Variants in EP300 observed in about 807,000 individuals in gnomAD.
EP300 encodes histone acetyltransferase p300.
Under a neutral mutation model 264.0 loss-of-function variants are expected in EP300, and 31 were observed. The ratio of observed to expected loss-of-function variants is 0.12; its 90% CI spans 0.09 to 0.16. The LOEUF is 0.16. Ranked by LOEUF, EP300 falls within the 10% of genes least tolerant of loss-of-function variation. The pLI is 1.00. For synonymous variants in EP300, 1,340 were observed against 1,045.4 expected, an observed-to-expected ratio of 1.28 and a Z score of -5.44; for missense variants, 2,766 against 3,052.9, an observed-to-expected ratio of 0.91 and a Z score of 2.21.
chr22:41,119,447 G>C (rs2058840380), intron 2 of EP300, among the ~76,000 whole-genome samples: 1 of 152,012 alleles, frequency 6.6e-6, no homozygotes, highest in Non-Finnish European at 1.5e-5. Flanking sequence ...AAGAGAGAAA[G>C]TCCTTGCCAC....
chr22:41,125,419 T>C, intron 2 of EP300, among the ~76,000 whole-genome samples: 1 of 149,652 alleles, frequency 6.7e-6, no homozygotes. Flanking sequence ...CGCCCGGCTG[T>C]TTTTTGGGGT....
chr22:41,141,627 C>G (rs2058982906), intron 10 of EP300, among the ~76,000 whole-genome samples: 1 of 151,632 alleles, frequency 6.6e-6, no homozygotes, highest in South Asian at 2.1e-4. Flanking sequence ...CACTGTCACA[C>G]TTTCTACTTG....
chr22:41,154,986 T>C lies in EP300; in HGVS notation c.3143-9T>C, dbSNP rs199773872. On this transcript the variant is annotated splice_polypyrimidine_tract_variant and intron_variant, in intron 16 of 30. Transcript: ENST00000263253. ...GTAACTAATTTCAAATGCACTTTTT[T>C]TTTTTAAGTTTTCAAACCAGAAGAA... is the stretch of plus-strand genomic sequence containing the variant. The C allele has an allele frequency of 1.5e-4, 235 of 1,586,700 alleles. No individual in the cohort carries two copies. In the African/African-American group the frequency reaches 3.0e-3, roughly 20 times the overall value.
At chr22:41,168,065 G>A (rs993260664) in intron 23 of EP300, among the ~76,000 whole-genome samples, 15 of 149,312 alleles carry the variant, frequency 1.0e-4, no homozygotes, top group African/African-American at 1.5e-4. Context: ...CAGGTGATGC[G>A]CCCACCTCAG....
rs142093342 is a variant in EP300, at chr22:41,124,734, CAT to C, written c.730-1129_730-1128del. Among the ~76,000 whole-genome samples the C allele has an allele frequency of 2.1e-3, 316 of 152,250 alleles. 1 individual carries two copies. The highest frequency in any genetic ancestry group is 7.3e-3 in the African/African-American group (302 of 41,548). On this transcript the variant is annotated intron_variant, in intron 2 of 30. Coordinates refer to ENST00000263253, the MANE Select transcript of EP300 (RefSeq NM_001429.4). ...TTAAGTTGAATTCGCCATGTAGCATCATGTGTGACGTAATGGAAATGAATGGC... is the reference window on the plus strand; with the variant it reads ...TTAAGTTGAATTCGCCATGTAGCATCGTGTGACGTAATGGAAATGAATGGC...
chr22:41,152,099 G>T (rs2059049481), intron 15 of EP300, 87 bp downstream of exon 15: 2 of 1,586,642 alleles, frequency 1.3e-6, no homozygotes, highest in African/African-American at 1.3e-5. Context: ...AAAATATTTT[G>T]ATAATTAGAT....
intron 4 of EP300, among the ~76,000 whole-genome samples, chr22:41,128,750 G>A (rs553650885): frequency 6.5e-4 from 99 of 152,034 alleles, no homozygotes; most frequent in African/African-American, 2.3e-3. Flanking sequence ...TGACCTTGTG[G>A]TCCACCCGCC....
chr22:41,103,266 C>T (rs1056250746), intron 1 of EP300, among the ~76,000 whole-genome samples: 1 of 152,138 alleles, frequency 6.6e-6, no homozygotes, highest in Non-Finnish European at 1.5e-5. Flanking sequence ...GGTGGTTCTT[C>T]TGAGTTGAGC....
intron 1 of EP300, among the ~76,000 whole-genome samples, chr22:41,114,139 G>T (rs1014197398): frequency 5.9e-5 from 9 of 152,056 alleles, no homozygotes; most frequent in African/African-American, 2.2e-4. Context: ...TTTGAATAGT[G>T]GTTTTAGGTC....
rs940703927 is a variant in EP300 at position 41,118,930 on chromosome 22, G to A, written c.729+1109G>A. Reference sequence around the variant, plus strand: ...AACCTTAAATTTTTTTTTGCTGCGAGAATATTGACAAGTTAGGATTCTGTT... The same window carrying A: ...AACCTTAAATTTTTTTTTGCTGCGAAAATATTGACAAGTTAGGATTCTGTT... On this transcript the variant is annotated intron_variant, in intron 2 of 30. Transcript: ENST00000263253. 3.3e-5 allele frequency among the ~76,000 whole-genome samples: 5 copies of A among 151,294 alleles called. No homozygotes were observed. In the East Asian group the frequency reaches 7.8e-4, roughly 23 times the overall value.
chr22:41,145,858 A>G (rs1362979700), intron 10 of EP300, among the ~76,000 whole-genome samples: 2 of 151,512 alleles, frequency 1.3e-5, no homozygotes, highest in Admixed American at 1.3e-4. Context: ...GATGGTCTCG[A>G]TCTCCTGACC....
intron 6 of EP300, among the ~76,000 whole-genome samples, chr22:41,135,196 CT>C (rs1365722444): frequency 2.6e-5 from 4 of 152,172 alleles, no homozygotes; most frequent in African/African-American, 9.7e-5. Flanking sequence ...GCCAGCATTG[CT>C]TTTTTATCTC....
chr22:41,159,041 C>T (rs1403748332), intron 19 of EP300: 1 of 155,460 alleles, frequency 6.4e-6, no homozygotes, highest in Non-Finnish European at 1.4e-5. Context: ...TTGTATGTGA[C>T]AGAGGATGAT....
chr22:41,131,761 C>T, intron 6 of EP300, 128 bp downstream of exon 6: 1 of 1,408,354 alleles, frequency 7.1e-7, no homozygotes, highest in East Asian at 2.4e-5. Flanking sequence ...TTAAAGATTA[C>T]AGTGTAAAAG....
intron 8 of EP300, among the ~76,000 whole-genome samples, chr22:41,139,045 C>T (rs1489643287): frequency 6.6e-6 from 1 of 152,106 alleles, no homozygotes; most frequent in Non-Finnish European, 1.5e-5. Context: ...CTCCCGTCTC[C>T]TGGGTTCAAG....
chr22:41,173,534 C>A, intron 28 of EP300, 89 bp from the exon 29 acceptor site: 3 of 1,303,252 alleles, frequency 2.3e-6, no homozygotes, highest in Non-Finnish European at 3.3e-6. Flanking sequence ...ATTATGATAT[C>A]TAGTTTCAAA....
At chr22:41,153,203 A>T (rs936259534) in intron 16 of EP300, among the ~76,000 whole-genome samples, 4 of 152,192 alleles carry the variant, frequency 2.6e-5, no homozygotes, top group African/African-American at 7.2e-5. Flanking sequence ...AAATCCAGCC[A>T]TTCCAACAAG....
At chr22:41,108,908 A>C (rs1177169412) in intron 1 of EP300, among the ~76,000 whole-genome samples, 1 of 152,216 alleles carries the variant, frequency 6.6e-6, no homozygotes. Context: ...CAGATTTATA[A>C]GTTTTTAATT....
chr22:41,109,954 C>T (rs555230925), intron 1 of EP300, among the ~76,000 whole-genome samples: 1 of 151,894 alleles, frequency 6.6e-6, no homozygotes, highest in East Asian at 2.0e-4. Context: ...GCTGGGATTA[C>T]AGGCGCCTGC....
Sources: gnomAD v4.1 joint callset for allele counts (sites outside exome capture counted in the v4.1 genomes callset) on GRCh38, gnomAD v4.1.1 for gene constraint, MANE v1.5 for transcripts, NCBI Gene and HGNC (gene_info 2026-07-23, HGNC 2026-07-21) for gene names.